ERBB4: variants seen among roughly 807,000 people sequenced by gnomAD.
The protein encoded by ERBB4 is erb-b2 receptor tyrosine kinase 4.
In ERBB4, 42 loss-of-function variants were observed where a neutral mutation model predicts 158.0. The ratio of observed to expected loss-of-function variants is 0.27; its 90% CI spans 0.21 to 0.34. The LOEUF is 0.34. ERBB4 is among the 10% of genes least tolerant of loss of function. ERBB4 has a pLI of 1.00. For synonymous variants in ERBB4, 583 were observed against 558.7 expected (o/e 1.04, Z -0.61); for missense variants, 1,333 against 1,624.1 (o/e 0.82, Z 3.08).
intron 2 of ERBB4, among the ~76,000 whole-genome samples, chr2:212,109,382 T>C (rs1202345740): frequency 6.6e-6 from 1 of 152,188 alleles, no homozygotes. Context: ...AACTCAAAAC[T>C]AGGCCACTCC....
chr2:211,529,250 C>G lies in ERBB4; in HGVS notation c.2487+32653G>C, dbSNP rs796080325. The stretch of plus-strand genomic sequence containing the variant: ...AACAATATGCCAAAAAATTGGAAAA[C>G]CTAGGAGAAATGAATAAATTCCTAG... On this transcript the variant is annotated intron_variant, in intron 20 of 27. Transcript: ENST00000342788. 2.7e-4 allele frequency among the ~76,000 whole-genome samples: 41 copies of G among 151,698 alleles called. 1 individual carries two copies. Among genetic ancestry groups the G allele is most frequent in the African/African-American group, 9.9e-4 (41 of 41,442 alleles).
intron 2 of ERBB4, among the ~76,000 whole-genome samples, chr2:212,047,458 A>G (rs1045880828): frequency 6.6e-6 from 1 of 151,294 alleles, no homozygotes; most frequent in African/African-American, 2.4e-5. Context: ...TCTCCTTCAT[A>G]TTAATTTTAT....
chr2:211,978,440 A>ATCTATCTATCT (rs67236718), intron 2 of ERBB4, among the ~76,000 whole-genome samples: 1 of 151,184 alleles, frequency 6.6e-6, no homozygotes, highest in East Asian at 1.9e-4. Context: ...CTATCTATCT[A>ATCTATCTATCT]ATTTAATGAG....
intron 25 of ERBB4, among the ~76,000 whole-genome samples, chr2:211,410,388 G>A (rs1381114735): frequency 3.3e-5 from 5 of 152,148 alleles, no homozygotes; most frequent in Admixed American, 3.3e-4. Flanking sequence ...GTGTAAACAT[G>A]CATTTATAGG....
intron 17 of ERBB4, among the ~76,000 whole-genome samples, chr2:211,625,721 C>T (rs2069818176): frequency 6.6e-6 from 1 of 152,136 alleles, no homozygotes; most frequent in Admixed American, 6.5e-5. Flanking sequence ...GATTTTGATA[C>T]ATATGCTATA....
At chr2:212,388,704 G>A (rs372595717) in intron 1 of ERBB4, among the ~76,000 whole-genome samples, 35 of 152,094 alleles carry the variant, frequency 2.3e-4, no homozygotes, top group South Asian at 6.2e-4. Context: ...GAGAAATGTC[G>A]TCATTGTGGG....
intron 2 of ERBB4, among the ~76,000 whole-genome samples, chr2:212,013,064 T>TG (rs1257531264): frequency 7.9e-5 from 12 of 151,606 alleles, no homozygotes; most frequent in Admixed American, 7.2e-4. Context: ...TTTCCTTTTT[T>TG]TTTTTTTTTT....
intron 3 of ERBB4, among the ~76,000 whole-genome samples, chr2:211,924,526 A>AT (rs939948160): frequency 1.3e-5 from 2 of 152,206 alleles, no homozygotes; most frequent in African/African-American, 4.8e-5. Context: ...TCTGTATAAT[A>AT]TTTTTTTCAT....
intron 1 of ERBB4, among the ~76,000 whole-genome samples, chr2:212,136,019 TC>T (rs1448114313): frequency 6.6e-6 from 1 of 152,178 alleles, no homozygotes; most frequent in Non-Finnish European, 1.5e-5. Context: ...ATCTTTCTTC[TC>T]TAGATTATCA....
intron 3 of ERBB4, among the ~76,000 whole-genome samples, chr2:211,829,846 A>G (rs775344007): frequency 6.6e-6 from 1 of 152,212 alleles, no homozygotes; most frequent in Admixed American, 6.6e-5. Context: ...TTACAAATTT[A>G]AAATGGATGA....
At chr2:211,483,309 T>C (rs1379197802) in intron 20 of ERBB4, among the ~76,000 whole-genome samples, 1 of 152,092 alleles carries the variant, frequency 6.6e-6, no homozygotes, top group African/African-American at 2.4e-5. Context: ...TGTTCAAACA[T>C]TTTCCAAGTT....
At chr2:211,628,092 TGTTA>T (rs2069930689) in intron 17 of ERBB4, among the ~76,000 whole-genome samples, 1 of 152,214 alleles carries the variant, frequency 6.6e-6, no homozygotes, top group Admixed American at 6.5e-5. Flanking sequence ...ATTCCTTGTC[TGTTA>T]GTTTTGTTTT....
At chr2:211,579,988 T>C (rs1447400890) in intron 19 of ERBB4, among the ~76,000 whole-genome samples, 1 of 152,168 alleles carries the variant, frequency 6.6e-6, no homozygotes, top group Non-Finnish European at 1.5e-5. Flanking sequence ...TGTCAACTCA[T>C]ATCCAATTTT....
intron 3 of ERBB4, among the ~76,000 whole-genome samples, chr2:211,908,888 T>TA (rs2079467279): frequency 6.6e-6 from 1 of 151,546 alleles, no homozygotes; most frequent in Admixed American, 6.6e-5. Flanking sequence ...GTATCACAAA[T>TA]AAAAAATTAA....
intron 1 of ERBB4, among the ~76,000 whole-genome samples, chr2:212,171,484 A>G (rs2081517905): frequency 6.6e-6 from 1 of 152,002 alleles, no homozygotes; most frequent in South Asian, 2.1e-4. Flanking sequence ...CGGATGTGAA[A>G]TATTTGGAAG....
chr2:212,297,074 G>T (rs2086440447), intron 1 of ERBB4, among the ~76,000 whole-genome samples: 1 of 151,860 alleles, frequency 6.6e-6, no homozygotes, highest in Admixed American at 6.6e-5. Context: ...CATCATTTCA[G>T]AATTTTAAGT....
intron 2 of ERBB4, among the ~76,000 whole-genome samples, chr2:212,045,958 A>G (rs74948125): frequency 0.038 from 5,738 of 152,256 alleles, 392 homozygotes; most frequent in African/African-American, 0.13. Context: ...TGTATCACCA[A>G]TATATTCTAT....
chr2:211,690,052 A>G (rs2072739793), intron 12 of ERBB4, among the ~76,000 whole-genome samples: 1 of 148,434 alleles, frequency 6.7e-6, no homozygotes, highest in Non-Finnish European at 1.5e-5. Flanking sequence ...ATATAAATAT[A>G]TATCAATGTA....
chr2:211,529,416 C>A (rs946477445), intron 20 of ERBB4, among the ~76,000 whole-genome samples: 1 of 152,024 alleles, frequency 6.6e-6, no homozygotes, highest in African/African-American at 2.4e-5. Flanking sequence ...CTGAACTCTA[C>A]CAAATATTTA....
Sources: gnomAD v4.1 joint callset for allele counts (sites outside exome capture counted in the v4.1 genomes callset) on GRCh38, gnomAD v4.1.1 for gene constraint, MANE v1.5 for transcripts, NCBI Gene and HGNC (gene_info 2026-07-23, HGNC 2026-07-21) for gene names.